LRSAM1: variants seen among roughly 807,000 people sequenced by gnomAD.
LRSAM1 encodes leucine rich repeat and sterile alpha motif containing 1.
A neutral mutation model predicts 118.1 loss-of-function variants in LRSAM1; 96 were observed. The ratio of observed to expected loss-of-function variants is 0.81; its 90% confidence interval spans 0.69 to 0.96. The LOEUF (loss-of-function observed/expected upper bound fraction) is 0.96, where lower values mean the gene tolerates loss of function less well. LRSAM1 is among the 40% of genes least tolerant of loss of function. The probability of loss-of-function intolerance (pLI) is 0.00; values close to 1 mark genes in which losing one functional copy is unlikely to be tolerated. For missense variants in LRSAM1, 804 were observed against 915.5 expected (o/e 0.88, Z 1.57); for synonymous variants, 322 against 364.2 (o/e 0.88, Z 1.32).
intron 4 of LRSAM1, 63 bp from the exon 5 acceptor site, chr9:127,455,513 C>G: frequency 6.5e-7 from 1 of 1,543,186 alleles, no homozygotes; most frequent in Non-Finnish European, 9.0e-7. Context: ...GTGAATGCCA[C>G]TCAGAGAACA....
At chr9:127,496,221 C>G in intron 23 of LRSAM1, 126 bp downstream of exon 23, 2 of 1,391,108 alleles carry the variant, frequency 1.4e-6, no homozygotes, top group Non-Finnish European at 1.9e-6. Flanking sequence ...CCCAGGGCCA[C>G]CTTGCTTCCA....
In LRSAM1 at chr9:127,502,955, C is replaced by G; in HGVS notation, c.*56C>G. ...GCCCTGCCTCGGCCACTGTGAGCCC[C>G]GGGCTCCTGCTCAGCCTTGTGCCAG... On this transcript the variant is annotated 3_prime_UTR_variant, in exon 26 of 26. Coordinates refer to ENST00000300417, the MANE Select transcript of LRSAM1 (RefSeq NM_001005373.4). The G allele has an allele frequency of 6.4e-7, 1 of 1,551,388 alleles. No homozygotes were observed. Among genetic ancestry groups the G allele is most frequent in the Non-Finnish European group, 8.7e-7 (1 of 1,149,018 alleles).
At chr9:127,481,097 C>A (rs571143655) in intron 14 of LRSAM1, 86 bp from the exon 15 acceptor site, 122 of 1,491,994 alleles carry the variant, frequency 8.2e-5, no homozygotes, top group Non-Finnish European at 1.0e-4. Context: ...CAGCCCATTT[C>A]CTAAGCCCCT....
intron 11 of LRSAM1, among the ~76,000 whole-genome samples, chr9:127,477,488 G>A (rs1452778521): frequency 6.6e-6 from 1 of 152,154 alleles, no homozygotes; most frequent in Non-Finnish European, 1.5e-5. Context: ...AGTGGCTCAC[G>A]CCTATAATCC....
chr9:127,458,247 T>C (rs1394690332), intron 6 of LRSAM1, among the ~76,000 whole-genome samples: 5 of 151,970 alleles, frequency 3.3e-5, no homozygotes, highest in African/African-American at 4.8e-5. Context: ...CCGGGCGCGG[T>C]GGCGGGCGCC....
intron 17 of LRSAM1, 83 bp downstream of exon 17, chr9:127,485,918 C>G (rs1835713516): frequency 3.7e-6 from 5 of 1,346,050 alleles, no homozygotes; most frequent in Middle Eastern, 1.8e-4. Flanking sequence ...GAGCTGGGCA[C>G]TAAACCTCCC....
chr9:127,478,332 C>T (rs1239455908), intron 11 of LRSAM1, among the ~76,000 whole-genome samples: 3 of 152,174 alleles, frequency 2.0e-5, no homozygotes, highest in Non-Finnish European at 2.9e-5. Flanking sequence ...CACATATGCT[C>T]AGAGTTGAGT....
chr9:127,474,701 A>G (rs1409689659), intron 11 of LRSAM1, among the ~76,000 whole-genome samples: 4 of 152,184 alleles, frequency 2.6e-5, no homozygotes, highest in African/African-American at 4.8e-5. Context: ...ACTGTCTGGG[A>G]CACACACCCA....
intron 21 of LRSAM1, among the ~76,000 whole-genome samples, chr9:127,495,014 C>T (rs1327509181): frequency 1.3e-5 from 2 of 152,302 alleles, no homozygotes; most frequent in Non-Finnish European, 2.9e-5. Flanking sequence ...TGCAGTGGCG[C>T]GATCTCAGCT....
intron 14 of LRSAM1, among the ~76,000 whole-genome samples, chr9:127,480,414 G>C (rs1835495576): frequency 2.6e-5 from 4 of 152,316 alleles, no homozygotes; most frequent in Admixed American, 1.3e-4. Flanking sequence ...ATCTTGATGG[G>C]GCTGGGGAGA....
intron 18 of LRSAM1, 122 bp from the exon 19 acceptor site, chr9:127,489,320 CCT>C (rs1391679568): frequency 8.8e-7 from 1 of 1,132,182 alleles, no homozygotes; most frequent in Non-Finnish European, 1.3e-6. Context: ...AAATCTTCTC[CCT>C]CTCTCAGAAA....
chr9:127,488,011 C>A (rs938950149), intron 18 of LRSAM1, among the ~76,000 whole-genome samples: 1 of 152,084 alleles, frequency 6.6e-6, no homozygotes, highest in Non-Finnish European at 1.5e-5. Context: ...GCTCCTACCC[C>A]CATCCTGTGT....
chr9:127,502,946 T>A lies in LRSAM1; in HGVS notation c.*47T>A. 6.4e-7 allele frequency: 1 copy of A among 1,557,846 alleles called. No homozygotes were observed. Among genetic ancestry groups the A allele is most frequent in the Non-Finnish European group, 8.7e-7 (1 of 1,152,390 alleles). On this transcript the variant is annotated 3_prime_UTR_variant, in exon 26 of 26. Transcript: ENST00000300417. ...CTGGTCCTAGCCCTGCCTCGGCCAC[T>A]GTGAGCCCCGGGCTCCTGCTCAGCC...
intron 20 of LRSAM1, 105 bp downstream of exon 20, chr9:127,491,400 G>C (rs1835928558): frequency 3.5e-6 from 3 of 857,904 alleles, no homozygotes; most frequent in African/African-American, 1.7e-5. Context: ...GGAGTCAAGG[G>C]CTTCCCCAGC....
intron 6 of LRSAM1, among the ~76,000 whole-genome samples, chr9:127,457,681 G>A (rs908271626): frequency 2.0e-5 from 3 of 152,216 alleles, no homozygotes; most frequent in African/African-American, 2.4e-5. Flanking sequence ...GAGACTGATG[G>A]TCCCAGGCAA....
intron 9 of LRSAM1, 92 bp from the exon 10 acceptor site, chr9:127,467,648 G>T (rs1005912879): frequency 9.4e-5 from 115 of 1,226,828 alleles, no homozygotes; most frequent in Non-Finnish European, 2.1e-5. Flanking sequence ...CTGGGTAGAG[G>T]TGACAGAGAA....
intron 20 of LRSAM1, among the ~76,000 whole-genome samples, chr9:127,492,243 G>A (rs1732980018): frequency 6.6e-6 from 1 of 152,244 alleles, no homozygotes; most frequent in South Asian, 2.1e-4. Context: ...GCAAGGGAAA[G>A]CCCTTTGTGA....
rs766865080 is a variant in LRSAM1, at chr9:127,501,048, G to A, written c.1951G>A (p.Ala651Thr). The change falls in exon 25 of 26, where the codon GCC becomes ACC. Residue 651 changes from alanine (A) to threonine (T), a missense_variant. Transcript: ENST00000300417. Reference sequence around the variant, plus strand: ...AATGGGTGAGGTCGTCACCCCTACGGCCCCCCAGGAGCCTCCTGAGTCTGT... The same window carrying A: ...AATGGGTGAGGTCGTCACCCCTACGACCCCCCAGGAGCCTCCTGAGTCTGT... ...PPMGEVVTPT[A>T]PQEPPESVRP... The A allele has an allele frequency of 2.5e-6, 4 of 1,613,910 alleles. No homozygotes were observed. In the South Asian group the frequency reaches 4.4e-5, roughly 18 times the overall value.
Position 127,457,330 on chromosome 9 carries a change from C to T in LRSAM1, c.189C>T (p.His63=), listed in dbSNP as rs748775036. The stretch of plus-strand genomic sequence containing the variant: ...TCTCCACACAGGTGCTGATCGTCCA[C>T]ACGAATCACCTCACTTCCCTGCTTC... ...KVLQKKVLIV[H]TNHLTSLLPK... The change falls in exon 6 of 26, where the codon CAC becomes CAT. Residue 63 remains histidine (H), a synonymous_variant. Coordinates refer to ENST00000300417, the MANE Select transcript of LRSAM1 (RefSeq NM_001005373.4). The T allele has an allele frequency of 6.2e-7, 1 of 1,614,190 alleles. No homozygotes were observed. The highest frequency in any genetic ancestry group is 8.5e-7 in the Non-Finnish European group (1 of 1,180,038).
Sources: allele counts gnomAD v4.1 joint callset (sites outside exome capture counted in the v4.1 genomes callset), GRCh38; gene constraint gnomAD v4.1.1; transcripts MANE v1.5; gene names NCBI Gene and HGNC (gene_info 2026-07-23, HGNC 2026-07-21).